The following PLXNB2 variants were observed in gnomAD, a reference collection of about 807,000 sequenced individuals.
The protein encoded by PLXNB2 is plexin-B2.
PLXNB2 carries 85 observed loss-of-function variants against 202.6 expected under a neutral mutation model. The ratio of observed to expected loss-of-function variants is 0.42; its 90% confidence interval spans 0.35 to 0.50. The LOEUF (loss-of-function observed/expected upper bound fraction) is 0.50. Among genes scored for constraint, PLXNB2 ranks in the 20% least tolerant of loss-of-function variants. The probability of loss-of-function intolerance (pLI) is 0.02; values close to 1 mark genes in which losing one functional copy is unlikely to be tolerated. For synonymous variants in PLXNB2, 1,239 were observed against 1,137.6 expected (o/e 1.09, Z -1.79); for missense variants, 2,063 against 2,586.2 (o/e 0.80, Z 4.39).
chr22:50,281,211 C>G (rs2065960679), intron 22 of PLXNB2, 22 bp from the exon 23 acceptor site: 1 of 1,600,280 alleles, frequency 6.2e-7, no homozygotes, highest in African/African-American at 1.3e-5. Context: ...AGCGGGCCTC[C>G]TAGGTTCTGC....
At position 50,275,075 on chromosome 22, in the gene PLXNB2, G is replaced by C. The variant is rs1277400264; in HGVS notation, c.*629C>G. On this transcript the variant is annotated 3_prime_UTR_variant, in exon 37 of 37. Transcript: ENST00000359337. ...ACTGCTCCCAGTCCCCCCGGACTGG[G>C]TGGGGCTCTAGGGCAGCCTGTCTGA... 4.8e-6 allele frequency: 1 copy of C among 210,090 alleles called. No homozygotes were observed. Among genetic ancestry groups the C allele is most frequent in the Non-Finnish European group, 9.8e-6 (1 of 101,918 alleles). 13.0% of individuals were successfully genotyped at this position (210,090 alleles called of 1,614,324 possible).
chr22:50,292,931 G>A (rs1370600012), intron 2 of PLXNB2, among the ~76,000 whole-genome samples: 1 of 151,360 alleles, frequency 6.6e-6, no homozygotes, highest in Non-Finnish European at 1.5e-5. Context: ...TCCCTGCACT[G>A]GGGGTTCAGT....
chr22:50,294,561 T>A (rs1435008982), intron 2 of PLXNB2, among the ~76,000 whole-genome samples, 158 bp downstream of exon 2: 3 of 152,228 alleles, frequency 2.0e-5, no homozygotes, highest in Non-Finnish European at 4.4e-5. Context: ...CCCACTTCCA[T>A]CCAGGCCAGG....
At chr22:50,298,991 C>T (rs1178061361) in intron 1 of PLXNB2, among the ~76,000 whole-genome samples, 1 of 152,254 alleles carries the variant, frequency 6.6e-6, no homozygotes, top group Admixed American at 6.5e-5. Context: ...ACAAAGCAGT[C>T]AGGCCCAGTG....
Position 50,284,912 on chromosome 22 carries a change from A to C in PLXNB2, c.2089-247T>G. ...ACGGCCACCTCCACCACTCATCCAC[A>C]CCTGAGAACATCGCCCGGCCCACCT... On this transcript the variant is annotated intron_variant, in intron 11 of 36. Transcript: ENST00000359337. This position sits in a 1 kb window ranked among gnomAD's most constrained non-coding sequence, Gnocchi z 8.0. The C allele has an allele frequency of 1.6e-6, 1 of 626,772 alleles. No individual in the cohort carries two copies. Among genetic ancestry groups the C allele is most frequent in the Admixed American group, 2.1e-5 (1 of 46,696 alleles). 38.8% of individuals were successfully genotyped at this position (626,772 alleles called of 1,614,324 possible). A position where few individuals can be genotyped will look rare whatever the true frequency, so the allele number is the denominator to read the frequency against.
At chr22:50,295,610 C>G (rs2067205964) in intron 1 of PLXNB2, among the ~76,000 whole-genome samples, 1 of 152,178 alleles carries the variant, frequency 6.6e-6, no homozygotes, top group African/African-American at 2.4e-5. Flanking sequence ...CAGGGAGGCA[C>G]AGACCCAGGG....
chr22:50,305,232 G>A (rs113396193), intron 1 of PLXNB2, among the ~76,000 whole-genome samples: 4 of 152,276 alleles, frequency 2.6e-5, no homozygotes, highest in African/African-American at 9.6e-5. Flanking sequence ...CCTGGGATGG[G>A]AGGAGGACTG....
intron 1 of PLXNB2, among the ~76,000 whole-genome samples, chr22:50,301,746 G>T (rs1019045196): frequency 2.0e-5 from 3 of 152,214 alleles, no homozygotes; most frequent in Non-Finnish European, 2.9e-5. Context: ...GACGGGTGAG[G>T]CCCCAGCCAG....
chr22:50,300,242 G>C, intron 1 of PLXNB2: 1 of 983,086 alleles, frequency 1.0e-6, no homozygotes, highest in Non-Finnish European at 1.2e-6. Context: ...ACAGTCACAC[G>C]AGCGCAGGAG....
At position 50,287,770 on chromosome 22, in the gene PLXNB2, G is replaced by T; in HGVS notation, c.1505C>A (p.Pro502Gln). Residue 502 changes from proline to glutamine, a missense_variant, in exon 7 of 37, where the codon CCG becomes CAG. Coordinates refer to ENST00000359337, the MANE Select transcript of PLXNB2 (RefSeq NM_012401.4). ...EGRCTRKAEC[P>Q]RAEEASHWLW... ...CCAGTGGCTGGCCTCCTCGGCCCGC[G>T]GACACTCGGCCTTCCGGGTGCATCT... 6.3e-7 allele frequency: 1 copy of T among 1,583,022 alleles called. No homozygotes were observed. Among genetic ancestry groups the T allele is most frequent in the Non-Finnish European group, 8.5e-7 (1 of 1,172,214 alleles).
In PLXNB2 at chr22:50,275,547, T is replaced by C. The variant is rs938579543; in HGVS notation, c.*157A>G. On this transcript the variant is annotated 3_prime_UTR_variant, in exon 37 of 37. Transcript: ENST00000359337. Reference sequence around the variant, plus strand: ...TATTGCTCAGAGGAAGATGCTACAGTCTAGACGCTGGGCGGGTTCCGGCTG... The same window carrying C: ...TATTGCTCAGAGGAAGATGCTACAGCCTAGACGCTGGGCGGGTTCCGGCTG... 13 of 650,688 alleles carry C rather than the reference T, an allele frequency of 2.0e-5. No homozygotes were observed. Among genetic ancestry groups the C allele is most frequent in the Non-Finnish European group, 3.7e-5 (13 of 354,078 alleles). 40.3% of individuals were successfully genotyped at this position (650,688 alleles called of 1,614,324 possible).
chr22:50,306,508 G>C (rs185586486), intron 1 of PLXNB2, among the ~76,000 whole-genome samples: 3 of 151,336 alleles, frequency 2.0e-5, no homozygotes, highest in Non-Finnish European at 4.4e-5. Context: ...CGGCAGCCTC[G>C]CTCTCCCACC....
chr22:50,304,885 T>C (rs890599369), intron 1 of PLXNB2, among the ~76,000 whole-genome samples: 1 of 152,212 alleles, frequency 6.6e-6, no homozygotes, highest in African/African-American at 2.4e-5. Context: ...GGGTGAATTC[T>C]GAGCAGCTCA....
At chr22:50,307,503 C>T (rs1032281711) in intron 1 of PLXNB2, 50 bp downstream of exon 1, 1 of 930,732 alleles carries the variant, frequency 1.1e-6, no homozygotes, top group Non-Finnish European at 1.3e-6. Flanking sequence ...CGAAGCCCCC[C>T]CCACGCCCAG....
chr22:50,293,436 C>G (rs1015720240), intron 2 of PLXNB2, among the ~76,000 whole-genome samples: 47 of 152,312 alleles, frequency 3.1e-4, no homozygotes, highest in African/African-American at 1.1e-3. Context: ...CACCCAGTGG[C>G]GCCAGCGGGG....
chr22:50,286,356 T>A, intron 8 of PLXNB2, 69 bp from the exon 9 acceptor site: 5 of 1,105,886 alleles, frequency 4.5e-6, no homozygotes, highest in Non-Finnish European at 6.9e-6. Context: ...GGGCCTCCCC[T>A]GGGGCTGACT....
intron 1 of PLXNB2, among the ~76,000 whole-genome samples, chr22:50,298,193 G>T (rs1402450721): frequency 6.6e-6 from 1 of 152,232 alleles, no homozygotes; most frequent in African/African-American, 2.4e-5. Flanking sequence ...ACCTGTCCCC[G>T]CAGGTCACCC....
intron 1 of PLXNB2, among the ~76,000 whole-genome samples, chr22:50,304,350 G>A (rs998040153): frequency 2.0e-5 from 3 of 152,282 alleles, no homozygotes; most frequent in East Asian, 1.9e-4. Context: ...AGGGCCAGAC[G>A]GGAGGGGCCC....
rs1430926780 is a variant in PLXNB2, at chr22:50,297,823, T to C, written c.-73-3045A>G. 6.6e-6 allele frequency among the ~76,000 whole-genome samples: 1 copy of C among 152,112 alleles called. No homozygotes were observed. Among genetic ancestry groups the C allele is most frequent in the Admixed American group, 6.6e-5 (1 of 15,266 alleles). On this transcript the variant is annotated intron_variant, in intron 1 of 36. Coordinates refer to ENST00000359337, the MANE Select transcript of PLXNB2 (RefSeq NM_012401.4). The surrounding 1 kb of genome is among the most constrained non-coding windows in gnomAD (Gnocchi z 5.3). ...TGCTCTGTGCCTCAGTTTCCCCATA[T>C]GTAACCTGGGGGTCATTATGGCGCC...
Sources: gnomAD v4.1 joint callset for allele counts (sites outside exome capture counted in the v4.1 genomes callset) on GRCh38, gnomAD v4.1.1 for gene constraint, Gnocchi (gnomAD v3.1) non-coding constraint, MANE v1.5 for transcripts, NCBI Gene and HGNC (gene_info 2026-07-23, HGNC 2026-07-21) for gene names.